The following CEP72 variants were observed in gnomAD, a reference collection of about 807,000 sequenced individuals.
CEP72 encodes the protein centrosomal protein of 72 kDa.
In CEP72, 78 loss-of-function variants were observed where a neutral mutation model predicts 65.7. That is an observed-to-expected ratio of 1.19 (90% confidence interval 0.99 to 1.43). The LOEUF is 1.43. CEP72 is among the 40% of genes most tolerant of loss of function. The probability of loss-of-function intolerance (pLI) is 0.00; values close to 1 mark genes in which losing one functional copy is unlikely to be tolerated. For missense variants in CEP72, 914 were observed against 832.9 expected, an observed-to-expected ratio of 1.10 and a Z score of -1.20; for synonymous variants, 358 against 351.7, an observed-to-expected ratio of 1.02 and a Z score of -0.20.
chr5:652,269 G>A (rs1739160472), intron 11 of CEP72, among the ~76,000 whole-genome samples: 1 of 152,212 alleles, frequency 6.6e-6, no homozygotes, highest in Non-Finnish European at 1.5e-5. Context: ...CAGGATTCAT[G>A]CTGGCTTCAT....
At chr5:661,524 A>G (rs1320094274), downstream of CEP72, 1 of 152,420 alleles carries the variant, frequency 6.6e-6, no homozygotes, top group East Asian at 1.9e-4. Context: ...ACAAATACAC[A>G]TTTATTTTCT....
intron 7 of CEP72, among the ~76,000 whole-genome samples, chr5:638,204 A>G (rs1401101924): frequency 6.6e-6 from 1 of 152,178 alleles, no homozygotes; most frequent in Admixed American, 6.5e-5. Flanking sequence ...TACGGTGCAC[A>G]GGGCATTTGT....
Position 644,348 on chromosome 5 carries a change from T to C in CEP72, c.1589T>C (p.Leu530Ser), listed in dbSNP as rs767565716. 11 of 1,610,036 alleles carry C rather than the reference T, an allele frequency of 6.8e-6. No individual in the cohort carries two copies. Among genetic ancestry groups the C allele is most frequent in the Admixed American group, 6.7e-5 (4 of 60,006 alleles). ...AAATCTTTGGAAGAGAACAGTAGGTTAAAATCGCTTTTGTTGAGTATGAAA... is the reference window on the plus strand; with the variant it reads ...AAATCTTTGGAAGAGAACAGTAGGTCAAAATCGCTTTTGTTGAGTATGAAA... Reference protein sequence around the residue: ...LDKSLEENSRLKSLLLSMKKE... With the variant: ...LDKSLEENSRSKSLLLSMKKE... The change falls in exon 10 of 12, where the codon TTA (leucine) becomes TCA (serine). Residue 530 changes from leucine to serine, a missense_variant. Leu to Ser is a moderately radical substitution (Grantham distance 145). Coordinates refer to ENST00000264935, the MANE Select transcript of CEP72 (RefSeq NM_018140.4).
At chr5:613,756 G>T (rs1389689417) in intron 1 of CEP72, among the ~76,000 whole-genome samples, 1 of 152,234 alleles carries the variant, frequency 6.6e-6, no homozygotes, top group Non-Finnish European at 1.5e-5. Context: ...GGAATTATCA[G>T]GGTGTGGAAA....
chr5:640,835 C>G, intron 9 of CEP72: 2 of 985,482 alleles, frequency 2.0e-6, no homozygotes, highest in African/African-American at 3.5e-5. Flanking sequence ...CACCTTCTCT[C>G]CCCGGGCCCA....
intron 9 of CEP72, chr5:641,961 C>T (rs1334353633): frequency 1.1e-6 from 1 of 912,524 alleles, no homozygotes; most frequent in Non-Finnish European, 1.3e-6. Context: ...TTTGAACACA[C>T]GTGGTCCCCC....
At chr5:614,406 T>G (rs148947063) in intron 1 of CEP72, among the ~76,000 whole-genome samples, 1 of 152,252 alleles carries the variant, frequency 6.6e-6, no homozygotes, top group East Asian at 1.9e-4. Context: ...TCAGCGTATT[T>G]TAAGAATTTC....
Position 649,448 on chromosome 5 carries a change from T to C in CEP72, c.1778+1532T>C, listed in dbSNP as rs147467747. ...TGGACTGTGAGGGGTGACTGTGAGG[T>C]GTGGACTGTGAGGTGTGACTGTGAG... On this transcript the variant is annotated intron_variant, in intron 11 of 11. Transcript: ENST00000264935. Among the ~76,000 whole-genome samples the C allele has an allele frequency of 6.2e-4, 35 of 56,694 alleles. 4 individuals carry two copies. Among genetic ancestry groups the C allele is most frequent in the Admixed American group, 7.0e-4 (3 of 4,292 alleles). 37.2% of individuals were successfully genotyped at this position (56,694 alleles called of 152,430 possible). A position where few individuals can be genotyped will look rare whatever the true frequency, so the allele number is the denominator to read the frequency against.
At chr5:640,116 T>C (rs922294376) in intron 8 of CEP72, among the ~76,000 whole-genome samples, 8 of 152,200 alleles carry the variant, frequency 5.3e-5, no homozygotes, top group Non-Finnish European at 8.8e-5. Context: ...AGTCGGTGCT[T>C]GTGGAAGGCG....
At position 635,394 on chromosome 5, in the gene CEP72, G is replaced by A. The variant is rs369506294; in HGVS notation, c.714G>A (p.Pro238=). 20 of 1,611,944 alleles carry A rather than the reference G, an allele frequency of 1.2e-5. No homozygotes were observed. The highest frequency in any genetic ancestry group is 4.5e-5 in the East Asian group (2 of 44,868). Residue 238 remains proline, a synonymous_variant, in exon 6 of 12, where the codon CCG becomes CCA. Transcript: ENST00000264935. ...TAGAATCCAGACATCTGTTGAGCCC[G>A]CAGTTGGTACAGTACCAGTGTGGGG... ...GSQESRHLLS[P]QLVQYQCGDS... is the part of the protein sequence containing the mutation.
downstream of CEP72, among the ~76,000 whole-genome samples, chr5:654,096 CTG>C (rs1189944863): frequency 8.8e-5 from 11 of 125,638 alleles, no homozygotes; most frequent in African/African-American, 2.2e-4. Flanking sequence ...TGTGTGCTAG[CTG>C]TGTGTGTGCT....
intron 3 of CEP72, among the ~76,000 whole-genome samples, chr5:622,524 A>G (rs1252274894): frequency 6.6e-6 from 1 of 152,262 alleles, no homozygotes; most frequent in Non-Finnish European, 1.5e-5. Context: ...CTGACAGGGA[A>G]GACCCTGGCT....
In CEP72 at chr5:634,866, C is replaced by T. The variant is rs181762385; in HGVS notation, c.692-506C>T. Among the ~76,000 whole-genome samples, 10 of 152,278 alleles carry T rather than the reference C, an allele frequency of 6.6e-5. No homozygotes were observed. In the East Asian group the frequency reaches 1.9e-3, roughly 29 times the overall value. ...CACAAGTTTTAATTTCATTACAGTC[C>T]AGTTTATGAAGGGCACAGTTTATTT... On this transcript the variant is annotated intron_variant, in intron 5 of 11. Transcript: ENST00000264935.
chr5:653,306 GCTT>G lies in CEP72; in HGVS notation c.*154_*156del. ...TTTTGGAATGTATTCAGGACCTGTAGCTTGGTTTTCTAAAGCACCTCGTAAAAT... is the reference window on the plus strand; with the variant it reads ...TTTTGGAATGTATTCAGGACCTGTAGGGTTTTCTAAAGCACCTCGTAAAAT... On this transcript the variant is annotated 3_prime_UTR_variant, in exon 12 of 12. Transcript: ENST00000264935. 1.4e-6 allele frequency: 1 copy of G among 729,932 alleles called. No individual in the cohort carries two copies. The highest frequency in any genetic ancestry group is 2.1e-6 in the Non-Finnish European group (1 of 486,160). 45.2% of individuals were successfully genotyped at this position (729,932 alleles called of 1,614,324 possible).
downstream of CEP72, among the ~76,000 whole-genome samples, chr5:670,083 C>T (rs1000266295): frequency 3.7e-5 from 3 of 81,262 alleles, no homozygotes; most frequent in Non-Finnish European, 7.1e-5. Flanking sequence ...CTCTGAGTCC[C>T]CTGGCCTCTG....
At chr5:643,082 C>T (rs1738165435) in intron 9 of CEP72, 1 of 980,820 alleles carries the variant, frequency 1.0e-6, no homozygotes. Flanking sequence ...GGTGTGGTGG[C>T]ACACTCCTGT....
At chr5:648,347 T>A (rs1393641870) in intron 11 of CEP72, among the ~76,000 whole-genome samples, 6 of 130,394 alleles carry the variant, frequency 4.6e-5, no homozygotes, top group Admixed American at 1.5e-4. Flanking sequence ...GAGGTGTGAC[T>A]GTGAGGTGTG....
At chr5:664,047 A>T (rs1164820476) in intron 2 of CEP72, 1 of 152,472 alleles carries the variant, frequency 6.6e-6, no homozygotes, top group Non-Finnish European at 1.5e-5. Context: ...ACCCCCACAG[A>T]CACTGCAGGA....
At position 645,941 on chromosome 5, in the gene CEP72, C is replaced by T. The variant is rs549906292; in HGVS notation, c.1666+1516C>T. The stretch of plus-strand genomic sequence containing the variant: ...ATTCGGCTTCGTTACACTGTGTGAG[C>T]GTCACTCCTGCTCCCGTTGGCGCCC... On this transcript the variant is annotated intron_variant, in intron 10 of 11. Transcript: ENST00000264935. This position sits in a 1 kb window ranked among gnomAD's most constrained non-coding sequence, Gnocchi z 4.0. Among the ~76,000 whole-genome samples the T allele has an allele frequency of 1.1e-4, 17 of 151,790 alleles. No homozygotes were observed. Among genetic ancestry groups the T allele is most frequent in the South Asian group, 2.1e-4 (1 of 4,802 alleles).
Sources: allele counts gnomAD v4.1 joint callset (sites outside exome capture counted in the v4.1 genomes callset), GRCh38; gene constraint gnomAD v4.1.1; non-coding constraint Gnocchi (gnomAD v3.1); transcripts MANE v1.5; gene names NCBI Gene and HGNC (gene_info 2026-07-23, HGNC 2026-07-21).